The following STRN variants were observed in gnomAD, a reference collection of about 807,000 sequenced individuals.
STRN encodes the protein striatin.
Under a neutral mutation model 96.3 loss-of-function variants are expected in STRN, and 53 were observed. The observed-to-expected ratio is 0.55, with a 90% confidence interval of 0.44 to 0.69. The LOEUF (loss-of-function observed/expected upper bound fraction) is 0.69, where lower values mean the gene tolerates loss of function less well. STRN is among the 30% of genes least tolerant of loss of function. The pLI, the probability that STRN is intolerant of heterozygous loss-of-function variation, is 0.00. For missense variants in STRN, 987 were observed against 963.9 expected (o/e 1.02, Z -0.32); for synonymous variants, 428 against 355.9 (o/e 1.20, Z -2.28).
chr2:36,895,676 C>T (rs1310652997), intron 6 of STRN, among the ~76,000 whole-genome samples: 3 of 151,468 alleles, frequency 2.0e-5, no homozygotes, highest in South Asian at 2.1e-4. Flanking sequence ...CTTTGGGAGG[C>T]CGAGATGGGT....
chr2:36,954,520 G>GA (rs35594116), intron 1 of STRN, among the ~76,000 whole-genome samples: 1,285 of 84,828 alleles, frequency 0.015, 22 homozygotes, highest in East Asian at 0.092. Context: ...TCAAACAGGG[G>GA]AAAAAAAAAA....
At position 36,902,699 on chromosome 2, in the gene STRN, G is replaced by C; in HGVS notation, c.544C>G (p.Arg182Gly). The C allele has an allele frequency of 6.2e-7, 1 of 1,610,460 alleles. No individual in the cohort carries two copies. The highest frequency in any genetic ancestry group is 8.5e-7 in the Non-Finnish European group (1 of 1,177,602). The change falls in exon 5 of 18, where the codon CGA becomes GGA. Residue 182 changes from arginine (R) to glycine (G), a missense_variant. By Grantham distance (125) the Arg-to-Gly change is moderately radical. Coordinates refer to ENST00000263918, the MANE Select transcript of STRN (RefSeq NM_003162.4). ...GAAAAGCCCAACAAAGCTCGCACTC[G>C]TTTAGATTTCACATCTAGAATAGTA... is the stretch of plus-strand genomic sequence containing the variant. ...TDTILDVKSKRVRALLGFSSD... is the reference protein window; with the variant it reads ...TDTILDVKSKGVRALLGFSSD...
intron 12 of STRN, among the ~76,000 whole-genome samples, chr2:36,863,052 C>A (rs907291842): frequency 6.6e-6 from 1 of 152,084 alleles, no homozygotes; most frequent in Admixed American, 6.5e-5. Context: ...TGTTTAGGTT[C>A]CTTACAGATT....
In STRN at chr2:36,850,902, T is replaced by C; in HGVS notation, c.2086+98A>G. 6 of 885,314 alleles carry C rather than the reference T, an allele frequency of 6.8e-6. No individual in the cohort carries two copies. The South Asian group carries it at 8.7e-5, about 13-fold the overall frequency. The allele number at this position is 885,314 out of a possible 1,614,324, so 54.8% of individuals were successfully genotyped here. A position where few individuals can be genotyped will look rare whatever the true frequency, so the allele number is the denominator to read the frequency against. On this transcript the variant is annotated intron_variant, in intron 16 of 17. Transcript: ENST00000263918. ...TATTTGGGGTTCAGTGCCTATTCCC[T>C]GACTACGAAACCACCAAGAGACACC...
intron 8 of STRN, among the ~76,000 whole-genome samples, chr2:36,884,414 A>T (rs1669157001): frequency 6.6e-6 from 1 of 152,202 alleles, no homozygotes; most frequent in African/African-American, 2.4e-5. Context: ...TGTGCACTGA[A>T]TTAAACAGTA....
chr2:36,918,683 C>T (rs1030332988), intron 2 of STRN, among the ~76,000 whole-genome samples: 4 of 152,066 alleles, frequency 2.6e-5, no homozygotes, highest in African/African-American at 9.7e-5. Flanking sequence ...AAGCTATGGT[C>T]CCTTAAATCA....
chr2:36,872,583 A>C (rs543523507), intron 10 of STRN, among the ~76,000 whole-genome samples: 1 of 152,250 alleles, frequency 6.6e-6, no homozygotes, highest in Non-Finnish European at 1.5e-5. Context: ...ACATAGCCAT[A>C]GGTTACTGGT....
At chr2:36,906,507 AT>A (rs1418208768) in intron 3 of STRN, among the ~76,000 whole-genome samples, 2 of 144,818 alleles carry the variant, frequency 1.4e-5, no homozygotes, top group Non-Finnish European at 3.1e-5. Context: ...CAAATAAATA[AT>A]TTTTTTAAAA....
intron 1 of STRN, among the ~76,000 whole-genome samples, chr2:36,952,105 G>C (rs373895828): frequency 1.3e-5 from 2 of 152,144 alleles, no homozygotes; most frequent in Non-Finnish European, 2.9e-5. Flanking sequence ...TACAAAACTC[G>C]AATTAGCATT....
intron 12 of STRN, among the ~76,000 whole-genome samples, chr2:36,866,145 G>A (rs774325200): frequency 3.3e-5 from 5 of 152,156 alleles, no homozygotes; most frequent in Middle Eastern, 3.4e-3. Flanking sequence ...CATGACCTCA[G>A]CTCACTGCAA....
chr2:36,863,209 T>C (rs1668538291), intron 12 of STRN, among the ~76,000 whole-genome samples: 2 of 152,128 alleles, frequency 1.3e-5, no homozygotes, highest in Non-Finnish European at 1.5e-5. Flanking sequence ...TTTTTGGTCA[T>C]TGTTGCAATT....
intron 1 of STRN, among the ~76,000 whole-genome samples, chr2:36,939,539 C>CTTA (rs761423690): frequency 4.3e-4 from 65 of 151,496 alleles, no homozygotes; most frequent in Admixed American, 1.9e-3. Flanking sequence ...CTATTCTTTC[C>CTTA]TTATTATTAT....
chr2:36,907,695 GT>G (rs568753704), intron 3 of STRN, among the ~76,000 whole-genome samples: 7 of 152,046 alleles, frequency 4.6e-5, no homozygotes, highest in Non-Finnish European at 8.8e-5. Context: ...CAATTTTCAG[GT>G]TTTTTAGTTA....
At chr2:36,854,426 GAAC>G (rs1343597595) in intron 15 of STRN, among the ~76,000 whole-genome samples, 1 of 152,006 alleles carries the variant, frequency 6.6e-6, no homozygotes, top group Admixed American at 6.6e-5. Context: ...AGAAAACAAT[GAAC>G]AACAGGTTAG....
rs1426194971 is a variant in STRN, at chr2:36,845,474, T to C, written c.*3982A>G. On this transcript the variant is annotated 3_prime_UTR_variant, in exon 18 of 18. Coordinates refer to ENST00000263918, the MANE Select transcript of STRN (RefSeq NM_003162.4). The stretch of plus-strand genomic sequence containing the variant: ...AGATGCTTTTTAAATATTTTAAGAC[T>C]ATTCTTAGGTGGAATTTTAACTAGT... 2.0e-4 allele frequency: 30 copies of C among 152,152 alleles called. No homozygotes were observed. The highest frequency in any genetic ancestry group is 1.9e-3 in the Admixed American group (29 of 15,276). 9.4% of individuals were successfully genotyped at this position (152,152 alleles called of 1,614,324 possible). A position where few individuals can be genotyped will look rare whatever the true frequency, so the allele number is the denominator to read the frequency against.
chr2:36,917,828 AG>A (rs892359163), intron 2 of STRN, among the ~76,000 whole-genome samples: 3 of 151,720 alleles, frequency 2.0e-5, no homozygotes, highest in Admixed American at 6.6e-5. Context: ...CACATTAAGA[AG>A]GAAAAAAATA....
chr2:36,934,025 C>T (rs756569412), intron 1 of STRN, among the ~76,000 whole-genome samples: 2 of 152,142 alleles, frequency 1.3e-5, no homozygotes, highest in African/African-American at 4.8e-5. Context: ...GGAAGAATGG[C>T]GTGAACCTAG....
chr2:36,885,018 A>C (rs1181083438), intron 8 of STRN, among the ~76,000 whole-genome samples: 1 of 152,128 alleles, frequency 6.6e-6, no homozygotes, highest in East Asian at 1.9e-4. Context: ...AAGATGTTAA[A>C]ATTTCTCCCT....
chr2:36,855,552 C>T lies in STRN; in HGVS notation c.1838-200G>A, dbSNP rs998321. Among the ~76,000 whole-genome samples, 129,081 of 152,176 alleles carry T rather than the reference C, an allele frequency of 0.85. 56,753 individuals carry two copies. The highest frequency in any genetic ancestry group is 0.96 in the Non-Finnish European group (65,229 of 68,012). The stretch of plus-strand genomic sequence containing the variant: ...GCCCTAGTCTATTTATTTCCCTTAC[C>T]TGCTTAGCAGATCTTCTACCTGTTA... On this transcript the variant is annotated intron_variant, in intron 14 of 17. Transcript: ENST00000263918.
Sources: gnomAD v4.1 joint callset for allele counts (sites outside exome capture counted in the v4.1 genomes callset) on GRCh38, gnomAD v4.1.1 for gene constraint, MANE v1.5 for transcripts, NCBI Gene and HGNC (gene_info 2026-07-23, HGNC 2026-07-21) for gene names.